FAM20B: variants seen among roughly 807,000 people sequenced by gnomAD.
The protein encoded by FAM20B is FAM20B glycosaminoglycan xylosylkinase.
A neutral mutation model predicts 43.8 loss-of-function variants in FAM20B; 23 were observed. The observed-to-expected ratio is 0.53, with a 90% CI of 0.38 to 0.74. The LOEUF (loss-of-function observed/expected upper bound fraction) is 0.74, where lower values mean the gene tolerates loss of function less well. FAM20B is among the 30% of genes least tolerant of loss of function. FAM20B has a pLI of 0.00. For synonymous variants in FAM20B, 178 were observed against 192.4 expected, an observed-to-expected ratio of 0.93 and a Z score of 0.62; for missense variants, 440 against 510.5, an observed-to-expected ratio of 0.86 and a Z score of 1.33.
At chr1:179,017,716 A>G in the FAM20B span, among the ~76,000 whole-genome samples, 14 of 152,224 alleles carry the variant, frequency 9.2e-5, no homozygotes, top group African/African-American at 3.1e-4. Context: ...ACAGTCACAC[A>G]GCATCCACCA....
chr1:179,039,810 G>A (rs1042248027), intron 1 of FAM20B, among the ~76,000 whole-genome samples: 1 of 151,966 alleles, frequency 6.6e-6, no homozygotes, highest in Non-Finnish European at 1.5e-5. Flanking sequence ...TAGGACAATA[G>A]TGGAGGGAAG....
At chr1:179,055,228 G>T (rs996635049) in intron 4 of FAM20B, among the ~76,000 whole-genome samples, 1 of 152,160 alleles carries the variant, frequency 6.6e-6, no homozygotes, top group African/African-American at 2.4e-5. Context: ...TAAGAGATCT[G>T]AGCTAAAATT....
chr1:179,063,952 G>A lies in FAM20B; in HGVS notation c.600G>A (p.Lys200=). 5 of 1,610,816 alleles carry A rather than the reference G, an allele frequency of 3.1e-6. No individual in the cohort carries two copies. The highest frequency in any genetic ancestry group is 4.2e-6 in the Non-Finnish European group (5 of 1,178,560). The stretch of plus-strand genomic sequence containing the variant: ...GAAACAATACTTGTTTTTATGGGAA[G>A]TGCTATTACTGCCGAGAAACAGAAC... ...TVGNNTCFYG[K]CYYCRETEPA... is the part of the protein sequence containing the mutation. The change falls in exon 5 of 8, where the codon AAG becomes AAA. Residue 200 remains lysine (K), a synonymous_variant. Transcript: ENST00000263733.
At chr1:179,070,740 G>A (rs897861353) in intron 7 of FAM20B, among the ~76,000 whole-genome samples, 3 of 151,486 alleles carry the variant, frequency 2.0e-5, no homozygotes, top group African/African-American at 7.3e-5. Context: ...GGCCAGCCTG[G>A]TCTTGAACTC....
intron 1 of FAM20B, among the ~76,000 whole-genome samples, chr1:179,040,117 C>G (rs914615519): frequency 5.4e-5 from 8 of 149,326 alleles, no homozygotes; most frequent in Non-Finnish European, 1.0e-4. Flanking sequence ...AATGAAAAGT[C>G]TCCCATGTCC....
At chr1:179,069,457 G>A (rs1331269190) in intron 7 of FAM20B, among the ~76,000 whole-genome samples, 1 of 152,162 alleles carries the variant, frequency 6.6e-6, no homozygotes, top group Admixed American at 6.5e-5. Flanking sequence ...TGCAACCGCT[G>A]TCTCCCGGGT....
intron 1 of FAM20B, among the ~76,000 whole-genome samples, chr1:179,026,664 T>G (rs1050606789): frequency 6.6e-6 from 1 of 152,238 alleles, no homozygotes; most frequent in African/African-American, 2.4e-5. Context: ...CCTGGGGTCC[T>G]GCGCCGGGCG....
In FAM20B at chr1:179,072,213, G is replaced by A. The variant is rs1342513670; in HGVS notation, c.*69G>A. 2.4e-6 allele frequency: 3 copies of A among 1,261,064 alleles called. No homozygotes were observed. The highest frequency in any genetic ancestry group is 4.2e-5 in the Admixed American group (2 of 47,958). The allele number at this position is 1,261,064 out of a possible 1,614,324, so 78.1% of individuals were successfully genotyped here. A position where few individuals can be genotyped will look rare whatever the true frequency, so the allele number is the denominator to read the frequency against. On this transcript the variant is annotated 3_prime_UTR_variant, in exon 8 of 8. Coordinates refer to ENST00000263733, the MANE Select transcript of FAM20B (RefSeq NM_014864.4). ...GAAACAGCACAATCAATTCCAAATG[G>A]TATGAGATGGATTGGAAGTGGCCAG...
chr1:179,063,003 G>A (rs1005371820), intron 4 of FAM20B, among the ~76,000 whole-genome samples: 3 of 152,122 alleles, frequency 2.0e-5, no homozygotes, highest in South Asian at 2.1e-4. Context: ...CAGGCCGGGC[G>A]CGGTAGCTCA....
intron 7 of FAM20B, among the ~76,000 whole-genome samples, chr1:179,070,934 G>A (rs937131703): frequency 2.6e-5 from 4 of 152,080 alleles, no homozygotes; most frequent in African/African-American, 9.7e-5. Context: ...ATTTCAACAT[G>A]TATTTTGTAG....
intron 1 of FAM20B, among the ~76,000 whole-genome samples, chr1:179,040,448 G>A (rs1182640166): frequency 2.0e-5 from 3 of 150,128 alleles, no homozygotes; most frequent in South Asian, 2.1e-4. Context: ...GGGCAGAGGC[G>A]CCCCTCACCT....
At chr1:179,064,520 G>A (rs746214484) in intron 6 of FAM20B, 24 bp downstream of exon 6, 4 of 1,577,170 alleles carry the variant, frequency 2.5e-6, no homozygotes, top group Non-Finnish European at 2.6e-6. Context: ...GACTGTCCTT[G>A]TCAGGGAGGG....
chr1:179,050,246 C>A, intron 2 of FAM20B, 33 bp from the exon 3 acceptor site: 1 of 1,474,348 alleles, frequency 6.8e-7, no homozygotes, highest in Non-Finnish European at 9.5e-7. Flanking sequence ...GTGTAATCCA[C>A]GTATACATCT....
chr1:179,053,767 C>A (rs1651104889), intron 3 of FAM20B, among the ~76,000 whole-genome samples: 1 of 152,138 alleles, frequency 6.6e-6, no homozygotes, highest in Non-Finnish European at 1.5e-5. Flanking sequence ...TATAAAACTG[C>A]ATACAATATA....
In FAM20B at chr1:179,064,019, C is replaced by T. The variant is rs746955782; in HGVS notation, c.667C>T (p.Leu223Phe). ...AGACATAATGGAGGGATCTGTCACA[C>T]TTTGGCTTCCAGATGTGTGGCCTCT... is the stretch of plus-strand genomic sequence containing the variant. ...DGDIMEGSVT[L>F]WLPDVWPLQK... is the part of the protein sequence containing the mutation. The change falls in exon 5 of 8, where the codon CTT (leucine) becomes TTT (phenylalanine). Residue 223 changes from leucine to phenylalanine, a missense_variant. By Grantham distance (22) the Leu-to-Phe change is conservative. Coordinates refer to ENST00000263733, the MANE Select transcript of FAM20B (RefSeq NM_014864.4). 1.9e-6 allele frequency: 3 copies of T among 1,614,056 alleles called. No individual in the cohort carries two copies. The highest frequency in any genetic ancestry group is 2.5e-6 in the Non-Finnish European group (3 of 1,179,902).
chr1:179,070,126 A>G (rs998416485), intron 7 of FAM20B, among the ~76,000 whole-genome samples: 61 of 151,838 alleles, frequency 4.0e-4, no homozygotes, highest in African/African-American at 1.3e-3. Flanking sequence ...GCTCACTGCA[A>G]CCTCCGCCTC....
At chr1:179,064,255 G>A (rs781027865) in intron 5 of FAM20B, 50 bp from the exon 6 acceptor site, 1 of 1,502,446 alleles carries the variant, frequency 6.7e-7, no homozygotes, top group Non-Finnish European at 9.1e-7. Context: ...GTGTGTAACA[G>A]TGCCAGGTAC....
chr1:179,064,602 C>A (rs1358563368), intron 6 of FAM20B, 106 bp downstream of exon 6: 2 of 857,034 alleles, frequency 2.3e-6, no homozygotes, highest in Non-Finnish European at 3.6e-6. Context: ...TGATAGGCAA[C>A]ATCCTTCTTT....
chr1:179,047,515 T>A (rs1375894580), intron 2 of FAM20B, among the ~76,000 whole-genome samples: 5 of 152,084 alleles, frequency 3.3e-5, no homozygotes, highest in Non-Finnish European at 7.4e-5. Flanking sequence ...TGCTCCCGCA[T>A]CATCTCCTAA....
Sources: gnomAD v4.1 joint callset for allele counts (sites outside exome capture counted in the v4.1 genomes callset) on GRCh38, gnomAD v4.1.1 for gene constraint, MANE v1.5 for transcripts, NCBI Gene and HGNC (gene_info 2026-07-23, HGNC 2026-07-21) for gene names.